ANXA3: variants seen among roughly 807,000 people sequenced by gnomAD.
ANXA3 encodes the protein 35-alpha calcimedin.
A neutral mutation model predicts 48.8 loss-of-function variants in ANXA3; 46 were observed. That is an observed-to-expected ratio of 0.94 (90% CI 0.74 to 1.21). ANXA3 has a LOEUF of 1.21. ANXA3 is among the 50% of genes most tolerant of loss of function. The probability of loss-of-function intolerance (pLI) is 0.00; values close to 1 mark genes in which losing one functional copy is unlikely to be tolerated. For synonymous variants in ANXA3, 128 were observed against 134.7 expected (o/e 0.95, Z 0.35); for missense variants, 383 against 378.6 (o/e 1.01, Z -0.10).
chr4:78,608,131 G>A (rs969034503), intron 12 of ANXA3, among the ~76,000 whole-genome samples: 3 of 152,054 alleles, frequency 2.0e-5, no homozygotes, highest in African/African-American at 7.2e-5. Context: ...AGCAAAGGGG[G>A]TAGGGTGGGG....
intron 5 of ANXA3, among the ~76,000 whole-genome samples, chr4:78,583,182 TA>T (rs71216223): frequency 0.73 from 109,803 of 151,364 alleles, 40,159 homozygotes; most frequent in East Asian, 0.87. Context: ...CTACAAAAAA[TA>T]AAAAAAAAAT....
chr4:78,577,973 T>C (rs1722990659), intron 3 of ANXA3, among the ~76,000 whole-genome samples: 1 of 152,080 alleles, frequency 6.6e-6, no homozygotes, highest in Non-Finnish European at 1.5e-5. Context: ...TCATTTTGTA[T>C]ATGGGTTTGA....
At chr4:78,571,573 G>C (rs895065130) in intron 2 of ANXA3, among the ~76,000 whole-genome samples, 3 of 152,000 alleles carry the variant, frequency 2.0e-5, no homozygotes, top group African/African-American at 7.3e-5. Context: ...CCCTTCAAGA[G>C]AGCCAAAATG....
intron 2 of ANXA3, among the ~76,000 whole-genome samples, chr4:78,568,452 T>C (rs1722775622): frequency 6.6e-6 from 1 of 152,256 alleles, no homozygotes. Context: ...GAGCTTTGAT[T>C]TGATGCCTCA....
chr4:78,569,278 A>T lies in ANXA3; in HGVS notation c.16-3902A>T, dbSNP rs555266514. On this transcript the variant is annotated intron_variant, in intron 2 of 12. Coordinates refer to ENST00000264908, the MANE Select transcript of ANXA3 (RefSeq NM_005139.3). ...GATCAAAGGCAATTTTTTTTTTTTT[A>T]AATAGACTTTGCCAAGTATTCAGGT... Among the ~76,000 whole-genome samples the T allele has an allele frequency of 9.9e-5, 15 of 152,152 alleles. 1 individual carries two copies. In the South Asian group the frequency reaches 2.5e-3, roughly 25 times the overall value.
chr4:78,595,255 A>G lies in ANXA3; in HGVS notation c.484-126A>G, dbSNP rs972027649. Reference sequence around the variant, plus strand: ...GAACCAGAACTGGAGCCCTGAGTACATGATTTTTCTGTGCAACCTGTCCTG... The same window carrying G: ...GAACCAGAACTGGAGCCCTGAGTACGTGATTTTTCTGTGCAACCTGTCCTG... On this transcript the variant is annotated intron_variant, in intron 7 of 12. Coordinates refer to ENST00000264908, the MANE Select transcript of ANXA3 (RefSeq NM_005139.3). The G allele has an allele frequency of 1.2e-5, 12 of 1,009,300 alleles. No homozygotes were observed. In the Admixed American group the frequency reaches 1.8e-4, roughly 15 times the overall value. The allele number at this position is 1,009,300 out of a possible 1,614,324, so 62.5% of individuals were successfully genotyped here.
At chr4:78,556,415 A>C (rs980564497) in intron 2 of ANXA3, among the ~76,000 whole-genome samples, 1 of 152,266 alleles carries the variant, frequency 6.6e-6, no homozygotes, top group Non-Finnish European at 1.5e-5. Flanking sequence ...ATTTACGGAA[A>C]GACTATTACA....
chr4:78,600,540 G>A (rs1361837294), intron 10 of ANXA3, among the ~76,000 whole-genome samples: 1 of 152,140 alleles, frequency 6.6e-6, no homozygotes, highest in African/African-American at 2.4e-5. Flanking sequence ...TTTCTTGTCA[G>A]AGAACTTCAT....
chr4:78,585,376 A>G (rs1723151039), intron 5 of ANXA3, among the ~76,000 whole-genome samples: 1 of 152,114 alleles, frequency 6.6e-6, no homozygotes, highest in Non-Finnish European at 1.5e-5. Flanking sequence ...AAGGCTCATG[A>G]CTCAGCCATT....
intron 2 of ANXA3, among the ~76,000 whole-genome samples, chr4:78,556,602 C>T (rs909884268): frequency 2.6e-5 from 4 of 151,932 alleles, no homozygotes; most frequent in Admixed American, 6.6e-5. Context: ...CTTGGCCTGG[C>T]GTATGGATGG....
At chr4:78,592,253 C>T (rs1237264602) in intron 7 of ANXA3, among the ~76,000 whole-genome samples, 1 of 152,216 alleles carries the variant, frequency 6.6e-6, no homozygotes, top group Non-Finnish European at 1.5e-5. Context: ...GGTGTATTCA[C>T]AGCTGTGTGT....
intron 2 of ANXA3, among the ~76,000 whole-genome samples, chr4:78,556,551 G>T (rs938015761): frequency 4.6e-5 from 7 of 151,786 alleles, no homozygotes; most frequent in Admixed American, 4.6e-4. Context: ...TAAGGTGGAG[G>T]GCAAGTTTAA....
In ANXA3 at chr4:78,591,446, A is replaced by G. The variant is rs534063716; in HGVS notation, c.404-98A>G. Reference sequence around the variant, plus strand: ...AAGGGCAAGATTTATCTTATCACATACCCATTCTTTGCTAGTGTTGGCATT... The same window carrying G: ...AAGGGCAAGATTTATCTTATCACATGCCCATTCTTTGCTAGTGTTGGCATT... On this transcript the variant is annotated intron_variant, in intron 6 of 12. Transcript: ENST00000264908. 44 of 771,594 alleles carry G rather than the reference A, an allele frequency of 5.7e-5. No homozygotes were observed. In the African/African-American group the frequency reaches 7.0e-4, roughly 12 times the overall value. The allele number at this position is 771,594 out of a possible 1,614,324, so 47.8% of individuals were successfully genotyped here.
At chr4:78,552,147 C>T (rs909250545) in intron 1 of ANXA3, 1 of 152,366 alleles carries the variant, frequency 6.6e-6, no homozygotes, top group African/African-American at 2.4e-5. Context: ...AGCTGATACT[C>T]AGCTGTCCTC....
At chr4:78,587,347 T>C (rs113394546) in intron 6 of ANXA3, among the ~76,000 whole-genome samples, 1 of 152,364 alleles carries the variant, frequency 6.6e-6, no homozygotes, top group Admixed American at 6.5e-5. Flanking sequence ...ATCTTTCTGA[T>C]GTGACCAGCC....
intron 7 of ANXA3, among the ~76,000 whole-genome samples, chr4:78,594,472 A>C (rs1353753247): frequency 6.6e-6 from 1 of 152,224 alleles, no homozygotes; most frequent in African/African-American, 2.4e-5. Context: ...CTGTCTTCCA[A>C]AGTGACTGTA....
intron 5 of ANXA3, among the ~76,000 whole-genome samples, chr4:78,585,910 T>C (rs1431572889): frequency 6.6e-6 from 1 of 152,212 alleles, no homozygotes; most frequent in Non-Finnish European, 1.5e-5. Flanking sequence ...TCAAAAGTAT[T>C]ATAGAGCCTT....
At position 78,586,299 on chromosome 4, in the gene ANXA3, A is replaced by G. The variant is rs778080646; in HGVS notation, c.352A>G (p.Thr118Ala). Reference sequence around the variant, plus strand: ...CGAAGATGCCTTGATTGAAATCTTAACTACCAGGACAAGCAGGCAAATGAA... The same window carrying G: ...CGAAGATGCCTTGATTGAAATCTTAGCTACCAGGACAAGCAGGCAAATGAA... ...TNEDALIEILTTRTSRQMKDI... is the reference protein window; with the variant it reads ...TNEDALIEILATRTSRQMKDI... Residue 118 changes from threonine to alanine, a missense_variant, in exon 6 of 13, where the codon ACT (threonine) becomes GCT (alanine). By Grantham distance (58) the Thr-to-Ala change is moderately conservative. Transcript: ENST00000264908. 4.3e-6 allele frequency: 7 copies of G among 1,613,704 alleles called. No individual in the cohort carries two copies. The highest frequency in any genetic ancestry group is 1.7e-5 in the Admixed American group (1 of 59,984).
chr4:78,585,466 A>G (rs964872703), intron 5 of ANXA3, among the ~76,000 whole-genome samples: 1 of 152,248 alleles, frequency 6.6e-6, no homozygotes, highest in Non-Finnish European at 1.5e-5. Flanking sequence ...CTCCCTGAGC[A>G]TACATATGGT....
Sources: gnomAD v4.1 joint callset for allele counts (sites outside exome capture counted in the v4.1 genomes callset) on GRCh38, gnomAD v4.1.1 for gene constraint, MANE v1.5 for transcripts, NCBI Gene and HGNC (gene_info 2026-07-23, HGNC 2026-07-21) for gene names.